Variants in STAU2 observed in about 807,000 individuals in gnomAD.
STAU2 encodes staufen double-stranded RNA binding protein 2.
STAU2 carries 20 observed loss-of-function variants against 65.9 expected under a neutral mutation model. The ratio of observed to expected loss-of-function variants is 0.30; its 90% CI spans 0.21 to 0.44. The LOEUF (loss-of-function observed/expected upper bound fraction) is 0.44. Among genes scored for constraint, STAU2 ranks in the 20% least tolerant of loss-of-function variants. STAU2 has a pLI of 1.00. For missense variants in STAU2, 558 were observed against 683.9 expected (o/e 0.82, Z 2.05); for synonymous variants, 232 against 233.9 (o/e 0.99, Z 0.07).
intron 13 of STAU2, among the ~76,000 whole-genome samples, chr8:73,454,332 A>C (rs1385281395): frequency 6.6e-6 from 1 of 152,152 alleles, no homozygotes; most frequent in East Asian, 1.9e-4. Context: ...GAAGAATTAC[A>C]TTTCTTCTTG....
At chr8:73,618,581 A>C (rs6988722) in intron 6 of STAU2, among the ~76,000 whole-genome samples, 2,776 of 152,344 alleles carry the variant, frequency 0.018, 76 homozygotes, top group African/African-American at 0.06. Flanking sequence ...GGCATTTTTA[A>C]CCCAAGTGAA....
At chr8:73,683,916 C>T (rs1247941577) in intron 5 of STAU2, among the ~76,000 whole-genome samples, 1 of 152,122 alleles carries the variant, frequency 6.6e-6, no homozygotes, top group African/African-American at 2.4e-5. Context: ...GTGGAAAGAA[C>T]TCTACGACAA....
At chr8:73,576,681 A>G (rs1401173156) in intron 12 of STAU2, among the ~76,000 whole-genome samples, 5 of 152,178 alleles carry the variant, frequency 3.3e-5, no homozygotes, top group African/African-American at 1.2e-4. Context: ...TATGCATCAA[A>G]TATTGCCTAT....
chr8:73,708,369 C>T (rs559743255), intron 4 of STAU2, among the ~76,000 whole-genome samples: 1 of 152,140 alleles, frequency 6.6e-6, no homozygotes, highest in East Asian at 1.9e-4. Context: ...AAATTATGCA[C>T]AACTAAGATA....
chr8:73,615,549 A>G, intron 8 of STAU2, 126 bp downstream of exon 8: 2 of 641,618 alleles, frequency 3.1e-6, no homozygotes, highest in Non-Finnish European at 2.7e-6. Context: ...ATTTCATAAT[A>G]CTGGGTTTGA....
At chr8:73,573,483 T>A (rs1050052365) in intron 12 of STAU2, among the ~76,000 whole-genome samples, 3 of 151,352 alleles carry the variant, frequency 2.0e-5, no homozygotes, top group Non-Finnish European at 4.4e-5. Context: ...GGAGGCATCA[T>A]GCTACCTGAC....
At chr8:73,630,541 T>C (rs1814014444) in intron 6 of STAU2, among the ~76,000 whole-genome samples, 1 of 152,234 alleles carries the variant, frequency 6.6e-6, no homozygotes, top group African/African-American at 2.4e-5. Context: ...AAATACAAAG[T>C]GTGGCCAAAG....
chr8:73,732,005 G>A (rs1481976947), intron 3 of STAU2, among the ~76,000 whole-genome samples: 2 of 152,156 alleles, frequency 1.3e-5, no homozygotes, highest in Non-Finnish European at 2.9e-5. Flanking sequence ...CAGTTTCTGA[G>A]GGTTGGCAAT....
intron 13 of STAU2, among the ~76,000 whole-genome samples, chr8:73,544,637 C>G (rs1247449529): frequency 6.6e-6 from 1 of 152,192 alleles, no homozygotes; most frequent in Non-Finnish European, 1.5e-5. Context: ...ATTCCCTCTG[C>G]TATGAACTCT....
At chr8:73,733,313 A>G (rs1806200913) in intron 3 of STAU2, among the ~76,000 whole-genome samples, 1 of 152,190 alleles carries the variant, frequency 6.6e-6, no homozygotes, top group Non-Finnish European at 1.5e-5. Flanking sequence ...CTTAGGACAC[A>G]CTGACCTGTC....
intron 13 of STAU2, among the ~76,000 whole-genome samples, chr8:73,453,949 C>T (rs1383787328): frequency 1.3e-5 from 2 of 152,130 alleles, no homozygotes; most frequent in African/African-American, 2.4e-5. Flanking sequence ...GGCTGAGCTT[C>T]AAGCTGCCAC....
intron 6 of STAU2, among the ~76,000 whole-genome samples, chr8:73,667,133 C>G (rs2130366901): frequency 6.6e-6 from 1 of 152,280 alleles, no homozygotes; most frequent in Middle Eastern, 3.4e-3. Flanking sequence ...AGTCTACCTT[C>G]TAAATATCTA....
At chr8:73,743,008 C>G (rs1806991391) in intron 1 of STAU2, among the ~76,000 whole-genome samples, 1 of 151,976 alleles carries the variant, frequency 6.6e-6, no homozygotes, top group Non-Finnish European at 1.5e-5. Flanking sequence ...AAAAAATTTA[C>G]TATCTCTACT....
intron 6 of STAU2, among the ~76,000 whole-genome samples, chr8:73,640,793 A>C (rs1277036658): frequency 1.3e-5 from 2 of 152,224 alleles, no homozygotes; most frequent in African/African-American, 4.8e-5. Flanking sequence ...ATACTTTCCA[A>C]ACATTCTTTC....
intron 6 of STAU2, chr8:73,670,409 G>GTTAAA (rs1817590654): frequency 6.6e-6 from 1 of 151,900 alleles, no homozygotes; most frequent in African/African-American, 2.4e-5. Context: ...GCCACCAACT[G>GTTAAA]CAAGTTTCCA....
chr8:73,669,843 A>G (rs542938261), intron 6 of STAU2, among the ~76,000 whole-genome samples: 1 of 152,352 alleles, frequency 6.6e-6, no homozygotes, highest in East Asian at 1.9e-4. Flanking sequence ...ACTTTTTAAA[A>G]GTAATAAATT....
intron 1 of STAU2, among the ~76,000 whole-genome samples, chr8:73,746,220 G>T (rs896754878): frequency 3.3e-5 from 5 of 151,840 alleles, no homozygotes; most frequent in African/African-American, 1.2e-4. Context: ...AATAGCTGCC[G>T]CCGCCACCCT....
intron 13 of STAU2, among the ~76,000 whole-genome samples, chr8:73,486,648 TA>T (rs1820925854): frequency 1.2e-5 from 1 of 80,330 alleles, no homozygotes; most frequent in Non-Finnish European, 2.4e-5. Flanking sequence ...AGTAAATATA[TA>T]TATATATATT....
intron 6 of STAU2, among the ~76,000 whole-genome samples, chr8:73,627,208 CGGGGGGGGGGGG>C (rs965072522): frequency 4.4e-4 from 1 of 2,280 alleles, no homozygotes; most frequent in East Asian, 7.9e-3. Context: ...AGGAATACGG[CGGGGGGGGGGGG>C]GGAGGGGGGG....
Sources: gnomAD v4.1 joint callset for allele counts (sites outside exome capture counted in the v4.1 genomes callset) on GRCh38, gnomAD v4.1.1 for gene constraint, MANE v1.5 for transcripts, NCBI Gene and HGNC (gene_info 2026-07-23, HGNC 2026-07-21) for gene names.